The following LMO7 variants were observed in gnomAD, a reference collection of about 807,000 sequenced individuals.
LMO7 encodes LIM domain only protein 7.
In LMO7, 120 loss-of-function variants were observed where a neutral mutation model predicts 206.5. The observed-to-expected ratio is 0.58, with a 90% CI of 0.50 to 0.68. LMO7 has a LOEUF of 0.68. Ranked by LOEUF, LMO7 falls within the 30% of genes least tolerant of loss-of-function variation. The pLI, the probability that LMO7 is intolerant of heterozygous loss-of-function variation, is 0.00. For synonymous variants in LMO7, 706 were observed against 681.5 expected, an observed-to-expected ratio of 1.04 and a Z score of -0.56; for missense variants, 1,959 against 1,957.9, an observed-to-expected ratio of 1.00 and a Z score of -0.01.
At chr13:75,770,800 G>T (rs1046328963) in intron 4 of LMO7, among the ~76,000 whole-genome samples, 2 of 152,028 alleles carry the variant, frequency 1.3e-5, no homozygotes, top group African/African-American at 4.8e-5. Context: ...ACTAATAACA[G>T]CCCAGCCAGG....
intron 3 of LMO7, among the ~76,000 whole-genome samples, chr13:75,747,072 C>G (rs528593522): frequency 6.6e-6 from 1 of 152,028 alleles, no homozygotes; most frequent in South Asian, 2.1e-4. Context: ...ATATAAAAAT[C>G]TGGACTAAAA....
intron 1 of LMO7, among the ~76,000 whole-genome samples, chr13:75,681,706 G>GTGTATATATATATATATA (rs1259746833): frequency 1.6e-4 from 15 of 93,312 alleles, no homozygotes; most frequent in Non-Finnish European, 2.7e-4. Flanking sequence ...GTATGTATGT[G>GTGTATATATATATATATA]TATATATATA....
At chr13:75,669,879 G>A (rs764189798) in intron 1 of LMO7, among the ~76,000 whole-genome samples, 30 of 152,140 alleles carry the variant, frequency 2.0e-4, no homozygotes, top group Non-Finnish European at 3.2e-4. Flanking sequence ...GAGGTTTCAG[G>A]ATATGGGATA....
At chr13:75,693,922 T>TA (rs755972084) in intron 1 of LMO7, among the ~76,000 whole-genome samples, 4 of 152,202 alleles carry the variant, frequency 2.6e-5, no homozygotes, top group Non-Finnish European at 4.4e-5. Context: ...TTGTGCTCTT[T>TA]AGTCTCTGAA....
chr13:75,821,390 T>C lies in LMO7; in HGVS notation c.2421T>C (p.Thr807=), dbSNP rs1201048173. 1.2e-6 allele frequency: 2 copies of C among 1,614,152 alleles called. No homozygotes were observed. The highest frequency in any genetic ancestry group is 1.7e-6 in the Non-Finnish European group (2 of 1,179,988). The change falls in exon 14 of 31, where the codon ACT becomes ACC. Residue 807 remains threonine (T), a synonymous_variant. Coordinates refer to ENST00000377534, the MANE Select transcript of LMO7 (RefSeq NM_001306080.2). The stretch of plus-strand genomic sequence containing the variant: ...CAAAAAGAGAGGACCGTGTAACAAC[T>C]GAAATTCAGCTTCCTTCTCAAAGTC... The part of the protein sequence containing the change: ...TFAKREDRVT[T]EIQLPSQSPV...
chr13:75,761,057 T>TTA lies in LMO7; in HGVS notation c.317+20_317+21dup. 1 of 1,397,540 alleles carries TTA rather than the reference T, an allele frequency of 7.2e-7. No homozygotes were observed. Among genetic ancestry groups the TTA allele is most frequent in the Non-Finnish European group, 9.8e-7 (1 of 1,024,932 alleles). The allele number at this position is 1,397,540 out of a possible 1,614,324, so 86.6% of individuals were successfully genotyped here. On this transcript the variant is annotated intron_variant, in intron 4 of 30. Coordinates refer to ENST00000377534, the MANE Select transcript of LMO7 (RefSeq NM_001306080.2). ...CTGTCAAGTAAGTTTCAACAGTTTGTTAGATATATATATATATATTTAAAC... is the reference window on the plus strand; with the variant it reads ...CTGTCAAGTAAGTTTCAACAGTTTGTTATAGATATATATATATATATTTAAAC...
chr13:75,770,961 A>G (rs2049566417), intron 4 of LMO7, among the ~76,000 whole-genome samples: 2 of 152,062 alleles, frequency 1.3e-5, no homozygotes, highest in Non-Finnish European at 2.9e-5. Flanking sequence ...TATGTTGTCT[A>G]AACAAACTTA....
At chr13:75,825,267 G>A (rs773884023) in intron 15 of LMO7, among the ~76,000 whole-genome samples, 25 of 152,136 alleles carry the variant, frequency 1.6e-4, no homozygotes, top group Admixed American at 2.0e-4. Context: ...ACCAGTAGAT[G>A]AATAATAAAA....
intron 3 of LMO7, 107 bp downstream of exon 3, chr13:75,727,205 G>T (rs547191069): frequency 9.0e-5 from 57 of 636,536 alleles, no homozygotes; most frequent in Non-Finnish European, 1.3e-4. Context: ...ATTAGGTTAT[G>T]GTTTTTTTGC....
At chr13:75,652,394 C>T (rs1236183646) in intron 1 of LMO7, among the ~76,000 whole-genome samples, 1 of 152,160 alleles carries the variant, frequency 6.6e-6, no homozygotes. Context: ...TGTCCCTTTG[C>T]AGGTCTTGAA....
At chr13:75,657,411 A>ATG (rs2038161066) in intron 1 of LMO7, among the ~76,000 whole-genome samples, 1 of 152,084 alleles carries the variant, frequency 6.6e-6, no homozygotes, top group Non-Finnish European at 1.5e-5. Flanking sequence ...TCTCATGCAT[A>ATG]TGTGTGTGTG....
intron 3 of LMO7, among the ~76,000 whole-genome samples, chr13:75,753,583 T>C (rs995592406): frequency 6.6e-6 from 1 of 152,180 alleles, no homozygotes. Context: ...TGGGAGGTAA[T>C]TGAATCATGG....
chr13:75,764,059 G>A (rs2048540046), intron 4 of LMO7, among the ~76,000 whole-genome samples: 1 of 152,074 alleles, frequency 6.6e-6, no homozygotes, highest in African/African-American at 2.4e-5. Context: ...GGAAGCAGTA[G>A]TTTTAATTTT....
intron 4 of LMO7, among the ~76,000 whole-genome samples, chr13:75,781,330 A>C: frequency 9.0e-6 from 1 of 111,594 alleles, no homozygotes; most frequent in African/African-American, 3.6e-5. Flanking sequence ...TCCTGTGTCC[A>C]TGTGATCTCA....
At position 75,646,670 on chromosome 13, in the gene LMO7, A is replaced by G. The variant is rs567471512; in HGVS notation, c.69+9944A>G. 4.1e-3 allele frequency among the ~76,000 whole-genome samples: 605 copies of G among 149,050 alleles called. 9 individuals are homozygous for G. The highest frequency in any genetic ancestry group is 0.014 in the African/African-American group (578 of 40,386). ...ACGATCTCGGCTCATGGCAACCTCC[A>G]CCTCCCAGGTTCAAGCGATTCTCCT... On this transcript the variant is annotated intron_variant, in intron 1 of 30. Transcript: ENST00000377534.
intron 4 of LMO7, among the ~76,000 whole-genome samples, chr13:75,779,269 C>T (rs996420330): frequency 6.6e-5 from 10 of 152,244 alleles, no homozygotes; most frequent in Middle Eastern, 3.4e-3. Flanking sequence ...CTAAAGGACA[C>T]AGCTGAGAAG....
At chr13:75,747,574 AG>A (rs1219374034) in intron 3 of LMO7, among the ~76,000 whole-genome samples, 4 of 152,184 alleles carry the variant, frequency 2.6e-5, no homozygotes, top group Non-Finnish European at 5.9e-5. Context: ...GAGCATTATC[AG>A]TGAGCCTTCG....
intron 1 of LMO7, among the ~76,000 whole-genome samples, chr13:75,699,200 A>G (rs1020605643): frequency 6.6e-6 from 1 of 152,174 alleles, no homozygotes; most frequent in Non-Finnish European, 1.5e-5. Context: ...CTCCCCCAGT[A>G]GGTGCCTGAA....
intron 4 of LMO7, among the ~76,000 whole-genome samples, chr13:75,781,812 T>C (rs2051491965): frequency 6.6e-6 from 1 of 152,238 alleles, no homozygotes; most frequent in Admixed American, 6.5e-5. Flanking sequence ...TTTTTATGAT[T>C]GCCATTCTAA....
Sources: gnomAD v4.1 joint callset for allele counts (sites outside exome capture counted in the v4.1 genomes callset) on GRCh38, gnomAD v4.1.1 for gene constraint, MANE v1.5 for transcripts, NCBI Gene and HGNC (gene_info 2026-07-23, HGNC 2026-07-21) for gene names.